The following POLK variants were observed in gnomAD, a reference collection of about 807,000 sequenced individuals.
POLK encodes polymerase (DNA directed) kappa.
In POLK, 76 loss-of-function variants were observed where a neutral mutation model predicts 94.0. That is an observed-to-expected ratio of 0.81 (90% confidence interval 0.67 to 0.98). POLK has a LOEUF of 0.98. Among genes scored for constraint, POLK ranks in the 50% least tolerant of loss-of-function variants. The probability of loss-of-function intolerance (pLI) is 0.00; values close to 1 mark genes in which losing one functional copy is unlikely to be tolerated. For synonymous variants in POLK, 349 were observed against 325.4 expected, an observed-to-expected ratio of 1.07 and a Z score of -0.78; for missense variants, 954 against 1,010.1, an observed-to-expected ratio of 0.94 and a Z score of 0.75.
chr5:75,559,523 G>GTTTTTTTTTTTTTTTTTTT (rs775525619), intron 3 of POLK, among the ~76,000 whole-genome samples: 26 of 54,676 alleles, frequency 4.8e-4, no homozygotes, highest in Admixed American at 1.2e-3. Flanking sequence ...GTTTTGTTTT[G>GTTTTTTTTTTTTTTTTTTT]TTTTTTTTTT....
At chr5:75,577,765 C>G (rs1173591094) in intron 6 of POLK, among the ~76,000 whole-genome samples, 3 of 152,220 alleles carry the variant, frequency 2.0e-5, no homozygotes, top group African/African-American at 7.2e-5. Flanking sequence ...ATCTAACTCT[C>G]TCACATTATT....
At chr5:75,537,165 T>C (rs1769484468) in intron 1 of POLK, among the ~76,000 whole-genome samples, 1 of 152,208 alleles carries the variant, frequency 6.6e-6, no homozygotes, top group African/African-American at 2.4e-5. Flanking sequence ...ATTGAGGCTA[T>C]AACACTGGTG....
At chr5:75,609,593 A>T in the POLK span, 2 of 152,216 alleles carry the variant, frequency 1.3e-5, no homozygotes, top group African/African-American at 4.8e-5. Flanking sequence ...CATGCTACAT[A>T]TACATATAAT....
chr5:75,588,190 G>T (rs779598205), intron 10 of POLK, among the ~76,000 whole-genome samples: 1 of 151,990 alleles, frequency 6.6e-6, no homozygotes, highest in Non-Finnish European at 1.5e-5. Flanking sequence ...TTATGTACAG[G>T]AATGTGTTCT....
chr5:75,515,009 A>G (rs1020024408), intron 1 of POLK, among the ~76,000 whole-genome samples: 1 of 152,242 alleles, frequency 6.6e-6, no homozygotes, highest in African/African-American at 2.4e-5. Context: ...AAGAAAATTC[A>G]TCCACATGCA....
chr5:75,546,274 A>G (rs1006356992), intron 1 of POLK, among the ~76,000 whole-genome samples: 1 of 152,220 alleles, frequency 6.6e-6, no homozygotes, highest in Non-Finnish European at 1.5e-5. Flanking sequence ...AGAAAATCAT[A>G]AAGGAGACAA....
intron 11 of POLK, among the ~76,000 whole-genome samples, chr5:75,593,289 G>A (rs536691797): frequency 2.6e-5 from 4 of 151,736 alleles, no homozygotes; most frequent in East Asian, 1.9e-4. Context: ...CTGCCATCAC[G>A]CTCAGCTAAT....
At chr5:75,584,869 C>T in exon 9 of POLK, 1 of 1,606,856 alleles carries the variant, frequency 6.2e-7, no homozygotes. Context: ...TTCTCTGAAA[C>T]ATCTTGGCAT....
At chr5:75,573,688 T>C in intron 4 of POLK, 50 bp from the exon 5 acceptor site, 1 of 1,475,458 alleles carries the variant, frequency 6.8e-7, no homozygotes, top group Non-Finnish European at 9.5e-7. Flanking sequence ...TTGATCAATA[T>C]GTCCATTTAG....
chr5:75,511,068 A>C (rs1767955147), upstream of POLK: 1 of 1,493,754 alleles, frequency 6.7e-7, no homozygotes, highest in Admixed American at 2.4e-5. Flanking sequence ...GCCTCGCTGC[A>C]GGTGAGTCTG....
At chr5:75,552,344 A>G in intron 2 of POLK, 128 bp from the exon 3 acceptor site, 1 of 736,724 alleles carries the variant, frequency 1.4e-6, no homozygotes, top group South Asian at 2.4e-5. Flanking sequence ...CTAGCTAGTA[A>G]GTAGTAGAGC....
intron 3 of POLK, among the ~76,000 whole-genome samples, chr5:75,564,254 TCTTTCTTTC>T (rs201450094): frequency 0.032 from 4,877 of 152,116 alleles, 258 homozygotes; most frequent in African/African-American, 0.11. Context: ...TTCTTTCTTT[TCTTTCTTTC>T]CTTTCTTTTT....
chr5:75,550,302 A>C (rs1369416677), intron 2 of POLK, among the ~76,000 whole-genome samples: 1 of 152,094 alleles, frequency 6.6e-6, no homozygotes, highest in Admixed American at 6.6e-5. Flanking sequence ...AGATCTAAAA[A>C]TCGGCCAAGC....
At chr5:75,547,729 A>ATG (rs1014545757) in intron 2 of POLK, among the ~76,000 whole-genome samples, 3 of 152,294 alleles carry the variant, frequency 2.0e-5, no homozygotes, top group Non-Finnish European at 2.9e-5. Flanking sequence ...GAATATATGC[A>ATG]TGTGTGATTT....
At chr5:75,595,344 C>T (rs185307430) in intron 12 of POLK, among the ~76,000 whole-genome samples, 148 of 149,640 alleles carry the variant, frequency 9.9e-4, no homozygotes, top group Middle Eastern at 3.5e-3. Context: ...CGATGTCCTT[C>T]GGTACGTGAA....
intron 9 of POLK, 31 bp downstream of exon 9, chr5:75,584,957 CTTCAGCA>C: frequency 7.0e-7 from 1 of 1,437,690 alleles, no homozygotes; most frequent in Admixed American, 2.0e-5. Flanking sequence ...TCTGCTTTTT[CTTCAGCA>C]TTTGCTGCAA....
chr5:75,552,680 A>G, intron 3 of POLK, 89 bp downstream of exon 3: 6 of 1,237,644 alleles, frequency 4.8e-6, no homozygotes, highest in Non-Finnish European at 6.8e-6. Context: ...TGAAAACAAG[A>G]TGAAATGTAA....
At chr5:75,523,827 A>C (rs1384859054) in intron 1 of POLK, among the ~76,000 whole-genome samples, 1 of 152,128 alleles carries the variant, frequency 6.6e-6, no homozygotes, top group East Asian at 1.9e-4. Flanking sequence ...TGTCAGAGAC[A>C]GATAAAACTT....
chr5:75,585,285 T>C (rs1772407522), intron 9 of POLK, among the ~76,000 whole-genome samples: 1 of 152,256 alleles, frequency 6.6e-6, no homozygotes. Context: ...GAAGGAGATG[T>C]AATGATTCTT....
Sources: gnomAD v4.1 joint callset for allele counts (sites outside exome capture counted in the v4.1 genomes callset) on GRCh38, gnomAD v4.1.1 for gene constraint, MANE v1.5 for transcripts, NCBI Gene and HGNC (gene_info 2026-07-23, HGNC 2026-07-21) for gene names.